The following BCOR variants were observed in gnomAD, a reference collection of about 807,000 sequenced individuals.
The protein encoded by BCOR is BCL6 corepressor, also known as BCL-6 corepressor.
Under a neutral mutation model 86.7 loss-of-function variants are expected in BCOR, and 10 were observed. The observed-to-expected ratio is 0.12, with a 90% CI of 0.07 to 0.20. The LOEUF (loss-of-function observed/expected upper bound fraction) is 0.20. BCOR is among the 10% of genes least tolerant of loss of function. BCOR has a pLI of 1.00. For synonymous variants in BCOR, 611 were observed against 609.0 expected (o/e 1.00, Z -0.05); for missense variants, 1,259 against 1,452.1 (o/e 0.87, Z 2.16).
intron 1 of BCOR, among the ~76,000 whole-genome samples, chrX:40,151,600 G>T (rs1447121220): frequency 1.8e-5 from 2 of 113,027 alleles, no homozygotes; most frequent in Non-Finnish European, 3.8e-5. Flanking sequence ...CAGGGTCAGC[G>T]GGGGGACGGG....
chrX:40,113,671 G>A (rs778504360), intron 1 of BCOR, among the ~76,000 whole-genome samples: 5 of 110,999 alleles, frequency 4.5e-5, no homozygotes, highest in African/African-American at 1.6e-4. Flanking sequence ...AGTGTGCAGC[G>A]ATGTACATAT....
intron 1 of BCOR, among the ~76,000 whole-genome samples, chrX:40,157,024 G>A (rs749999929): frequency 2.6e-5 from 3 of 113,692 alleles, no homozygotes; most frequent in Non-Finnish European, 5.6e-5. Flanking sequence ...GTGTGCAAAA[G>A]GTCAGCGGTA....
intron 1 of BCOR, among the ~76,000 whole-genome samples, chrX:40,131,896 T>C (rs1021575992): frequency 9.0e-6 from 1 of 111,694 alleles, no homozygotes; most frequent in Admixed American, 9.6e-5. Flanking sequence ...GCCCGCTAGT[T>C]ATTCGACACT....
chrX:40,127,909 T>TAAA (rs397716132), intron 1 of BCOR, among the ~76,000 whole-genome samples: 130 of 96,580 alleles, frequency 1.3e-3, no homozygotes, highest in African/African-American at 3.5e-3. Flanking sequence ...AATAAATAAA[T>TAAA]TTAAAAAAAA....
At chrX:40,063,099 C>CGGGGGGGG in intron 8 of BCOR, 28 bp from the exon 9 acceptor site, 3 of 474,548 alleles carry the variant, frequency 6.3e-6, no homozygotes, top group East Asian at 1.4e-4. Context: ...GACGGGGTGG[C>CGGGGGGGG]GGGCGGATGG....
intron 1 of BCOR, among the ~76,000 whole-genome samples, chrX:40,151,735 G>A (rs1938170859): frequency 8.9e-6 from 1 of 112,739 alleles, no homozygotes; most frequent in African/African-American, 3.2e-5. Context: ...GGTGGCGGCG[G>A]CGGCGGCTCC....
chrX:40,106,702 G>A (rs1937194570), intron 1 of BCOR, among the ~76,000 whole-genome samples: 1 of 112,991 alleles, frequency 8.9e-6, no homozygotes, highest in African/African-American at 3.2e-5. Flanking sequence ...TTGTTTTCGG[G>A]GTCTATAGAA....
At chrX:40,096,008 A>T (rs1314469895) in intron 1 of BCOR, among the ~76,000 whole-genome samples, 1 of 112,306 alleles carries the variant, frequency 8.9e-6, no homozygotes, top group Non-Finnish European at 1.9e-5. Context: ...CTCTCTCCGT[A>T]AACAGCAGGC....
At chrX:40,057,424 AC>A in intron 10 of BCOR, 103 bp from the exon 11 acceptor site, 1 of 865,957 alleles carries the variant, frequency 1.2e-6, no homozygotes, top group Non-Finnish European at 1.7e-6. Context: ...AGGCCTGAGA[AC>A]CTGAGAACCT....
intron 1 of BCOR, among the ~76,000 whole-genome samples, chrX:40,083,364 C>T (rs894466744): frequency 9.0e-6 from 1 of 111,514 alleles, no homozygotes; most frequent in Non-Finnish European, 1.9e-5. Flanking sequence ...CAGGTGCTGC[C>T]TCTTGGCACA....
intron 1 of BCOR, among the ~76,000 whole-genome samples, chrX:40,088,621 C>G (rs752207220): frequency 8.9e-5 from 10 of 112,524 alleles, no homozygotes; most frequent in African/African-American, 3.2e-4. Flanking sequence ...TAGCTTACTA[C>G]CAGCCTGGAT....
chrX:40,167,951 T>C (rs1451256166), intron 1 of BCOR, among the ~76,000 whole-genome samples: 1 of 112,791 alleles, frequency 8.9e-6, no homozygotes, highest in African/African-American at 3.2e-5. Flanking sequence ...GAATGAACTC[T>C]TTCTCCTGGG....
chrX:40,172,138 AG>A (rs1231438069), intron 1 of BCOR, among the ~76,000 whole-genome samples: 1 of 112,837 alleles, frequency 8.9e-6, no homozygotes, highest in Admixed American at 9.3e-5. Flanking sequence ...CGCGGCACGC[AG>A]GGGAGTCAAG....
chrX:40,122,017 G>A (rs1380293066), intron 1 of BCOR, among the ~76,000 whole-genome samples: 2 of 111,557 alleles, frequency 1.8e-5, no homozygotes, highest in Non-Finnish European at 3.8e-5. Context: ...TCTCATTTCT[G>A]CCCAAACTTC....
At chrX:40,111,698 G>C (rs142891882) in intron 1 of BCOR, among the ~76,000 whole-genome samples, 515 of 112,110 alleles carry the variant, frequency 4.6e-3, no homozygotes, top group African/African-American at 0.016. Context: ...AAATAGGGGG[G>C]AATATAGACA....
chrX:40,105,674 A>G (rs747701570), intron 1 of BCOR, among the ~76,000 whole-genome samples: 1 of 112,642 alleles, frequency 8.9e-6, no homozygotes, highest in South Asian at 3.7e-4. Flanking sequence ...TGCTGCTGTG[A>G]GAGGCTGCCT....
chrX:40,151,745 C>G (rs1938171478), intron 1 of BCOR, among the ~76,000 whole-genome samples: 1 of 111,848 alleles, frequency 8.9e-6, no homozygotes, highest in South Asian at 3.7e-4. Context: ...GCGGCGGCTC[C>G]AATTAGCTGA....
chrX:40,126,228 A>AG (rs1279398628), intron 1 of BCOR, among the ~76,000 whole-genome samples: 1 of 105,588 alleles, frequency 9.5e-6, no homozygotes, highest in African/African-American at 3.5e-5. Flanking sequence ...AAAAAAAAAA[A>AG]AAAAGAATCA....
chrX:40,053,878 A>T lies in BCOR; in HGVS notation c.4976+8T>A. The T allele has an allele frequency of 8.3e-7, 1 of 1,210,852 alleles. No individual in the cohort carries two copies. The highest frequency in any genetic ancestry group is 1.1e-6 in the Non-Finnish European group (1 of 894,891). ...GCTAGTTTTCAATCACATGACAGCCATGCTCACCCCTGAGCCACAGATACT... is the reference window on the plus strand; with the variant it reads ...GCTAGTTTTCAATCACATGACAGCCTTGCTCACCCCTGAGCCACAGATACT... On this transcript the variant is annotated splice_region_variant and intron_variant, in intron 14 of 14. Coordinates refer to ENST00000378444, the MANE Select transcript of BCOR (RefSeq NM_001123385.2).
Sources: gnomAD v4.1 joint callset for allele counts (sites outside exome capture counted in the v4.1 genomes callset) on GRCh38, gnomAD v4.1.1 for gene constraint, MANE v1.5 for transcripts, NCBI Gene and HGNC (gene_info 2026-07-23, HGNC 2026-07-21) for gene names.